Variants in HECW1 observed in about 807,000 individuals in gnomAD.
HECW1 encodes the protein HECT, C2 and WW domain containing E3 ubiquitin protein ligase 1, also known as E3 ubiquitin-protein ligase HECW1.
Under a neutral mutation model 182.3 loss-of-function variants are expected in HECW1, and 61 were observed. The ratio of observed to expected loss-of-function variants is 0.33; its 90% confidence interval spans 0.27 to 0.41. The LOEUF (loss-of-function observed/expected upper bound fraction) is 0.41. HECW1 is among the 10% of genes least tolerant of loss of function. The probability of loss-of-function intolerance (pLI) is 1.00; values close to 1 mark genes in which losing one functional copy is unlikely to be tolerated. For synonymous variants in HECW1, 859 were observed against 832.6 expected (o/e 1.03, Z -0.55); for missense variants, 1,739 against 2,108.9 (o/e 0.82, Z 3.44).
At chr7:43,174,169 A>G (rs189710135) in intron 2 of HECW1, among the ~76,000 whole-genome samples, 1 of 152,262 alleles carries the variant, frequency 6.6e-6, no homozygotes, top group East Asian at 1.9e-4. Flanking sequence ...GTGGAATTTC[A>G]GAGCATACTG....
intron 5 of HECW1, among the ~76,000 whole-genome samples, chr7:43,335,813 T>G (rs1390703949): frequency 6.6e-6 from 1 of 151,420 alleles, no homozygotes; most frequent in African/African-American, 2.4e-5. Context: ...CTCTTTCCTT[T>G]TCTTCATTTT....
chr7:43,336,196 C>CTA (rs1812260425), intron 5 of HECW1, among the ~76,000 whole-genome samples: 1 of 122,714 alleles, frequency 8.1e-6, no homozygotes, highest in Non-Finnish European at 1.7e-5. Flanking sequence ...CTCTCTCTCT[C>CTA]TCTTTCACTC....
chr7:43,206,721 A>G (rs1374863319), intron 2 of HECW1, among the ~76,000 whole-genome samples: 1 of 152,016 alleles, frequency 6.6e-6, no homozygotes, highest in Non-Finnish European at 1.5e-5. Flanking sequence ...ATTTATCATT[A>G]TTTTTACACT....
At chr7:43,542,439 A>AAT in intron 26 of HECW1, among the ~76,000 whole-genome samples, 1 of 151,636 alleles carries the variant, frequency 6.6e-6, no homozygotes, top group Non-Finnish European at 1.5e-5. Flanking sequence ...TATATATACA[A>AAT]ATATATATAG....
chr7:43,383,883 A>G (rs1030375764), intron 6 of HECW1, among the ~76,000 whole-genome samples: 5 of 152,222 alleles, frequency 3.3e-5, no homozygotes, highest in Non-Finnish European at 7.3e-5. Flanking sequence ...TATTCTTACA[A>G]TAAAGTAAGC....
At chr7:43,436,391 C>G (rs2152870591) in intron 8 of HECW1, among the ~76,000 whole-genome samples, 1 of 152,146 alleles carries the variant, frequency 6.6e-6, no homozygotes, top group Non-Finnish European at 1.5e-5. Context: ...GTGAAGAGAC[C>G]ACCAAACAGG....
chr7:43,455,485 C>T (rs989036918), intron 12 of HECW1, among the ~76,000 whole-genome samples: 2 of 152,156 alleles, frequency 1.3e-5, no homozygotes, highest in Non-Finnish European at 2.9e-5. Context: ...TTCTTCTCTC[C>T]ACTGAACCTA....
chr7:43,414,939 C>T (rs952374544), intron 8 of HECW1, among the ~76,000 whole-genome samples: 5 of 151,984 alleles, frequency 3.3e-5, no homozygotes, highest in Admixed American at 1.3e-4. Flanking sequence ...TGTCTCTGCC[C>T]GGCTTTGGTA....
intron 29 of HECW1, among the ~76,000 whole-genome samples, chr7:43,555,858 A>G (rs1441942141): frequency 2.0e-5 from 3 of 152,244 alleles, no homozygotes; most frequent in East Asian, 3.9e-4. Context: ...AGTGAATGTA[A>G]GTCTGGCAAG....
intron 5 of HECW1, among the ~76,000 whole-genome samples, chr7:43,343,050 G>T (rs1057396805): frequency 6.6e-6 from 1 of 151,476 alleles, no homozygotes; most frequent in Non-Finnish European, 1.5e-5. Context: ...ATGTTTCTAC[G>T]TAGATAATTT....
intron 2 of HECW1, among the ~76,000 whole-genome samples, chr7:43,165,404 G>T (rs920662844): frequency 6.6e-6 from 1 of 151,326 alleles, no homozygotes; most frequent in Non-Finnish European, 1.5e-5. Flanking sequence ...TGGCGGGGGG[G>T]GGTGTTTGTG....
At chr7:43,127,523 CAAAAAAAAAA>C (rs71562078) in intron 2 of HECW1, among the ~76,000 whole-genome samples, 6 of 57,288 alleles carry the variant, frequency 1.0e-4, no homozygotes, top group South Asian at 8.5e-4. Context: ...AACTCCATCT[CAAAAAAAAAA>C]AAAAAAAAAA....
At chr7:43,307,941 T>C (rs1807833487) in intron 3 of HECW1, among the ~76,000 whole-genome samples, 1 of 135,958 alleles carries the variant, frequency 7.4e-6, no homozygotes, top group South Asian at 2.2e-4. Flanking sequence ...TAGTGAAATG[T>C]ATTATTATAT....
At chr7:43,469,461 G>T (rs928821659) in intron 16 of HECW1, among the ~76,000 whole-genome samples, 3 of 152,308 alleles carry the variant, frequency 2.0e-5, no homozygotes, top group Non-Finnish European at 2.9e-5. Flanking sequence ...CCTTTCGGTT[G>T]TTTGCCTCCT....
chr7:43,352,477 G>A (rs1814588554), intron 5 of HECW1, among the ~76,000 whole-genome samples: 1 of 152,124 alleles, frequency 6.6e-6, no homozygotes, highest in Admixed American at 6.5e-5. Flanking sequence ...ATTACTGAAA[G>A]TGGAAGTTTA....
intron 2 of HECW1, among the ~76,000 whole-genome samples, chr7:43,182,359 T>G (rs1792951530): frequency 6.6e-6 from 1 of 152,236 alleles, no homozygotes; most frequent in South Asian, 2.1e-4. Flanking sequence ...TAAGTTTCAT[T>G]CTTCTGCCTG....
chr7:43,521,395 T>C (rs1203707758), intron 24 of HECW1, among the ~76,000 whole-genome samples: 1 of 152,212 alleles, frequency 6.6e-6, no homozygotes, highest in Non-Finnish European at 1.5e-5. Context: ...AATCACTGTT[T>C]TCATGATGGA....
chr7:43,469,582 C>T (rs1231627302), intron 16 of HECW1, among the ~76,000 whole-genome samples: 1 of 152,198 alleles, frequency 6.6e-6, no homozygotes, highest in Admixed American at 6.5e-5. Context: ...AACAGCCTAA[C>T]AAGCAGGGTG....
In HECW1 at chr7:43,213,082, A is replaced by G. The variant is rs1398516210; in HGVS notation, c.-31-30793A>G. 2.0e-5 allele frequency among the ~76,000 whole-genome samples: 3 copies of G among 152,132 alleles called. No individual in the cohort carries two copies. The East Asian group carries it at 5.8e-4, about 29-fold the overall frequency. On this transcript the variant is annotated intron_variant, in intron 2 of 29. Coordinates refer to ENST00000395891, the MANE Select transcript of HECW1 (RefSeq NM_015052.5). ...TTCTTGCCTTTTCATGAGTTAATCT[A>G]TGTATTTCTCGGTGAAAGAATAGCA...
Sources: allele counts gnomAD v4.1 joint callset (sites outside exome capture counted in the v4.1 genomes callset), GRCh38; gene constraint gnomAD v4.1.1; transcripts MANE v1.5; gene names NCBI Gene and HGNC (gene_info 2026-07-23, HGNC 2026-07-21).